The following SVEP1 variants were observed in gnomAD, a reference collection of about 807,000 sequenced individuals.
The protein encoded by SVEP1 is sushi, von Willebrand factor type A, EGF and pentraxin domain-containing protein 1.
In SVEP1, 164 loss-of-function variants were observed where a neutral mutation model predicts 367.3. The observed-to-expected ratio is 0.45, with a 90% CI of 0.39 to 0.51. The LOEUF (loss-of-function observed/expected upper bound fraction) is 0.51, where lower values mean the gene tolerates loss of function less well. SVEP1 is among the 20% of genes least tolerant of loss of function. SVEP1 has a pLI of 0.00. For synonymous variants in SVEP1, 1,666 were observed against 1,611.6 expected (o/e 1.03, Z -0.81); for missense variants, 4,117 against 4,425.3 (o/e 0.93, Z 1.98).
intron 8 of SVEP1, 84 bp from the exon 9 acceptor site, chr9:110,489,863 A>G (rs982202458): frequency 4.2e-6 from 6 of 1,428,686 alleles, no homozygotes; most frequent in Non-Finnish European, 5.6e-6. Flanking sequence ...TAGTAATGTT[A>G]ACAATGATAC....
chr9:110,390,232 TAAGTATGTG>T (rs1827621838), intron 40 of SVEP1, among the ~76,000 whole-genome samples: 3 of 137,876 alleles, frequency 2.2e-5, no homozygotes, highest in Admixed American at 1.5e-4. Context: ...TATACTTATA[TAAGTATGTG>T]TATATATACT....
chr9:110,408,205 G>A lies in SVEP1; in HGVS notation c.7395C>T (p.Thr2465=). Residue 2465 remains threonine, a synonymous_variant, in exon 38 of 48, where the codon ACC becomes ACT. Transcript: ENST00000374469. The stretch of plus-strand genomic sequence containing the variant: ...CCACCAATTCAAAGCCTGGCTTGCA[G>A]GTATAGAGAGCTGTGCTGAGATAGG... ...GLAYLSTALY[T]CKPGFELVGN... 6.2e-7 allele frequency: 1 copy of A among 1,613,984 alleles called. No individual in the cohort carries two copies. The highest frequency in any genetic ancestry group is 8.5e-7 in the Non-Finnish European group (1 of 1,179,884).
intron 5 of SVEP1, among the ~76,000 whole-genome samples, chr9:110,504,045 ATTTTATTTTG>A (rs1442625417): frequency 4.7e-5 from 7 of 149,878 alleles, no homozygotes; most frequent in African/African-American, 1.2e-4. Context: ...ATTTTATTTT[ATTTTATTTTG>A]TTTTGTTTTT....
At chr9:110,424,170 T>C (rs906172779) in intron 36 of SVEP1, among the ~76,000 whole-genome samples, 1 of 152,252 alleles carries the variant, frequency 6.6e-6, no homozygotes, top group Non-Finnish European at 1.5e-5. Context: ...GATGTTCTTT[T>C]ACATGTGTGC....
chr9:110,452,993 T>C (rs1268990556), intron 22 of SVEP1, among the ~76,000 whole-genome samples: 2 of 152,196 alleles, frequency 1.3e-5, no homozygotes, highest in Non-Finnish European at 2.9e-5. Flanking sequence ...GTTGCATGGA[T>C]GTGAAATAGA....
intron 11 of SVEP1, among the ~76,000 whole-genome samples, chr9:110,482,027 T>G (rs576393688): frequency 6.6e-6 from 1 of 152,260 alleles, no homozygotes; most frequent in East Asian, 1.9e-4. Context: ...TTTTTGACAT[T>G]CCTTTAATAA....
chr9:110,484,567 T>C (rs945467885), intron 9 of SVEP1, among the ~76,000 whole-genome samples: 22 of 152,148 alleles, frequency 1.4e-4, no homozygotes, highest in African/African-American at 5.3e-4. Context: ...CAAAAGCAAT[T>C]GCAACAAAAG....
chr9:110,568,134 G>A (rs1459143302), intron 1 of SVEP1, among the ~76,000 whole-genome samples: 3 of 152,038 alleles, frequency 2.0e-5, no homozygotes, highest in African/African-American at 7.3e-5. Context: ...ATATTTACTA[G>A]GACCACCTCC....
intron 6 of SVEP1, among the ~76,000 whole-genome samples, chr9:110,499,894 C>T (rs10980411): frequency 0.016 from 2,384 of 152,286 alleles, 25 homozygotes; most frequent in Non-Finnish European, 0.025. Flanking sequence ...GGCAGCATTA[C>T]TCACATTTTT....
chr9:110,528,148 GTGTGTGTGTATA>G (rs1411480530), intron 3 of SVEP1, among the ~76,000 whole-genome samples: 10 of 31,864 alleles, frequency 3.1e-4, no homozygotes, highest in Non-Finnish European at 5.5e-4. Context: ...GTGTGTGTGT[GTGTGTGTGTATA>G]TATATATATA....
At position 110,455,683 on chromosome 9, in the gene SVEP1, T is replaced by G. The variant is rs1390454832; in HGVS notation, c.3694A>C (p.Ile1232Leu). ...GYTGLKCETD[I>L]DECSPLPCLN... is the part of the protein sequence containing the mutation. ...CAAGGCAGTGGGCTGCACTCATCGA[T>G]GTCTGTTTCACACTTTAAGCCTACA... Residue 1232 changes from isoleucine (I) to leucine (L), a missense_variant, in exon 22 of 48, where the codon ATC becomes CTC. This residue lies in a region of SVEP1 where 2,174 missense variants were observed against 2,494.3 expected (regional missense o/e 0.87). Coordinates refer to ENST00000374469, the MANE Select transcript of SVEP1 (RefSeq NM_153366.4). 1 of 1,611,952 alleles carries G rather than the reference T, an allele frequency of 6.2e-7. No individual in the cohort carries two copies. The highest frequency in any genetic ancestry group is 1.3e-5 in the African/African-American group (1 of 75,014).
At chr9:110,429,457 T>C (rs1828315631) in intron 34 of SVEP1, 123 bp from the exon 35 acceptor site, 2 of 700,718 alleles carry the variant, frequency 2.9e-6, no homozygotes, top group South Asian at 3.3e-5. Context: ...TTTTTTTTCC[T>C]ACTGAAATAA....
chr9:110,449,957 A>G, intron 24 of SVEP1, 102 bp downstream of exon 24: 1 of 1,337,162 alleles, frequency 7.5e-7, no homozygotes, highest in Non-Finnish European at 1.0e-6. Flanking sequence ...GCATTTGAGA[A>G]TGACTGACTT....
chr9:110,578,367 GT>G (rs530214167), intron 1 of SVEP1, among the ~76,000 whole-genome samples: 13 of 150,462 alleles, frequency 8.6e-5, no homozygotes, highest in African/African-American at 4.9e-5. Context: ...AAATTTTAGG[GT>G]TTTTTTTTCC....
rs575538934 is a variant in SVEP1 at position 110,565,684 on chromosome 9, A to C, written c.531+13329T>G. ...AGGCAACTTAGAGAGTGCCCATTCA[A>C]ATGACAATCTCCAAACATCCCCTTC... On this transcript the variant is annotated intron_variant, in intron 1 of 47. Coordinates refer to ENST00000374469, the MANE Select transcript of SVEP1 (RefSeq NM_153366.4). 2.0e-5 allele frequency among the ~76,000 whole-genome samples: 3 copies of C among 152,156 alleles called. No individual in the cohort carries two copies. The East Asian group carries it at 5.8e-4, about 29-fold the overall frequency.
chr9:110,569,099 AT>A (rs201544444), intron 1 of SVEP1, among the ~76,000 whole-genome samples: 6 of 152,044 alleles, frequency 3.9e-5, no homozygotes, highest in South Asian at 4.2e-4. Context: ...TCTCAAAAAA[AT>A]AAATAAATAA....
intron 13 of SVEP1, 110 bp downstream of exon 13, chr9:110,479,525 G>A: frequency 1.5e-6 from 2 of 1,305,752 alleles, no homozygotes; most frequent in East Asian, 2.5e-5. Context: ...GTACATGTCT[G>A]GATCACAAAG....
Position 110,406,699 on chromosome 9 carries a change from A to T in SVEP1, c.8901T>A (p.His2967Gln). 6.2e-7 allele frequency: 1 copy of T among 1,614,044 alleles called. No individual in the cohort carries two copies. Among genetic ancestry groups the T allele is most frequent in the Non-Finnish European group, 8.5e-7 (1 of 1,179,906 alleles). Residue 2967 changes from histidine (H) to glutamine (Q), a missense_variant, in exon 38 of 48, where the codon CAT becomes CAA. His to Gln is a conservative substitution (Grantham distance 24, BLOSUM62 0). This residue lies in a region of SVEP1 where 1,765 missense variants were observed against 1,781.1 expected (regional missense o/e 0.99). Coordinates refer to ENST00000374469, the MANE Select transcript of SVEP1 (RefSeq NM_153366.4). Reference protein sequence around the residue: ...HGFPNGFSFIHGGHIQYQCFP... With the variant: ...HGFPNGFSFIQGGHIQYQCFP... ...AGCACTGATACTGTATATGGCCCCC[A>T]TGAATAAAGGAAAAACCATTAGGGA...
intron 26 of SVEP1, 68 bp downstream of exon 26, chr9:110,445,769 T>C: frequency 6.4e-7 from 1 of 1,560,218 alleles, no homozygotes; most frequent in Non-Finnish European, 8.8e-7. Flanking sequence ...TTTCCCATCC[T>C]CAATGTCAGT....
Sources: allele counts gnomAD v4.1 joint callset (sites outside exome capture counted in the v4.1 genomes callset), GRCh38; gene constraint gnomAD v4.1.1; regional missense constraint gnomAD v4.1.1; transcripts MANE v1.5; gene names NCBI Gene and HGNC (gene_info 2026-07-23, HGNC 2026-07-21).